Variants in CLASP1 observed in about 807,000 individuals in gnomAD.
CLASP1 encodes the protein CLIP-associating protein 1.
CLASP1 carries 38 observed loss-of-function variants against 192.3 expected under a neutral mutation model. The observed-to-expected ratio is 0.20, with a 90% CI of 0.15 to 0.26. The LOEUF is 0.26. Ranked by LOEUF, CLASP1 falls within the 10% of genes least tolerant of loss-of-function variation. CLASP1 has a pLI of 1.00. For missense variants in CLASP1, 1,433 were observed against 1,932.5 expected (o/e 0.74, Z 4.85); for synonymous variants, 691 against 712.8 (o/e 0.97, Z 0.49).
In CLASP1 at chr2:121,425,049, A is replaced by G. The variant is rs1485255490; in HGVS notation, c.2212+90T>C. ...CATCCTCAGTTCAAAAAATAGATCT[A>G]TATTTCCTACATTAGACATAGTCAT... is the stretch of plus-strand genomic sequence containing the variant. On this transcript the variant is annotated intron_variant, in intron 22 of 39. Transcript: ENST00000263710. The G allele has an allele frequency of 7.0e-6, 9 of 1,292,292 alleles. No homozygotes were observed. In the African/African-American group the frequency reaches 1.1e-4, roughly 15 times the overall value. The allele number at this position is 1,292,292 out of a possible 1,614,324, so 80.1% of individuals were successfully genotyped here.
At chr2:121,470,714 G>A (rs978182876) in intron 8 of CLASP1, 6 of 433,596 alleles carry the variant, frequency 1.4e-5, no homozygotes, top group African/African-American at 4.1e-5. Context: ...AACAATAGTA[G>A]GTCAAAGAGT....
chr2:121,488,455 G>A (rs1575400397), intron 8 of CLASP1, among the ~76,000 whole-genome samples: 2 of 152,206 alleles, frequency 1.3e-5, no homozygotes. Context: ...GTCACAAACT[G>A]CCCATGCAGA....
intron 2 of CLASP1, among the ~76,000 whole-genome samples, chr2:121,563,086 C>T (rs996033599): frequency 6.6e-6 from 1 of 152,154 alleles, no homozygotes; most frequent in Non-Finnish European, 1.5e-5. Context: ...TCCCTCCCAA[C>T]TGACCCCTTT....
chr2:121,433,640 C>T (rs1465226251), intron 19 of CLASP1, among the ~76,000 whole-genome samples: 1 of 152,038 alleles, frequency 6.6e-6, no homozygotes, highest in African/African-American at 2.4e-5. Flanking sequence ...CCTGTAATGC[C>T]AGCTACTTTG....
chr2:121,363,094 C>G, intron 37 of CLASP1, 78 bp downstream of exon 38: 1 of 1,570,594 alleles, frequency 6.4e-7, no homozygotes, highest in Non-Finnish European at 8.7e-7. Flanking sequence ...TGCACTGATT[C>G]TGATTCCTCT....
intron 19 of CLASP1, among the ~76,000 whole-genome samples, chr2:121,437,144 T>A (rs754318843): frequency 5.3e-4 from 81 of 151,766 alleles, no homozygotes; most frequent in African/African-American, 7.5e-4. Flanking sequence ...AAAAAAAAAA[T>A]TTTTGGTAGA....
intron 2 of CLASP1, among the ~76,000 whole-genome samples, chr2:121,544,898 TTTTC>T (rs1200406240): frequency 1.4e-5 from 1 of 72,130 alleles, no homozygotes; most frequent in African/African-American, 6.2e-5. Context: ...TTTTCTTTTC[TTTTC>T]TTTTCTTTTT....
At chr2:121,406,713 C>T (rs1350013038) in intron 25 of CLASP1, among the ~76,000 whole-genome samples, 3 of 152,144 alleles carry the variant, frequency 2.0e-5, no homozygotes, top group South Asian at 2.1e-4. Context: ...CCTCAGCCTC[C>T]GAAGTATCTG....
At chr2:121,579,701 C>T (rs1166690217) in intron 2 of CLASP1, among the ~76,000 whole-genome samples, 1 of 152,092 alleles carries the variant, frequency 6.6e-6, no homozygotes, top group Non-Finnish European at 1.5e-5. Flanking sequence ...TGAATTAATC[C>T]TTCTACTATA....
intron 1 of CLASP1, among the ~76,000 whole-genome samples, chr2:121,623,274 TC>T (rs2067703960): frequency 6.6e-6 from 1 of 152,160 alleles, no homozygotes; most frequent in Non-Finnish European, 1.5e-5. Context: ...CAAATGTTTT[TC>T]CTGCCACTAT....
intron 19 of CLASP1, chr2:121,444,895 A>C (rs1013184274): frequency 9.9e-6 from 13 of 1,307,392 alleles, no homozygotes; most frequent in Non-Finnish European, 1.3e-5. Flanking sequence ...ACAGAGGACC[A>C]GAGAAAGTGA....
At chr2:121,472,711 G>A (rs1319655297) in intron 8 of CLASP1, among the ~76,000 whole-genome samples, 1 of 152,186 alleles carries the variant, frequency 6.6e-6, no homozygotes, top group Admixed American at 6.5e-5. Flanking sequence ...CTTCCAGGAA[G>A]CAAGGCAGAA....
intron 2 of CLASP1, among the ~76,000 whole-genome samples, chr2:121,560,614 G>A (rs976488977): frequency 6.6e-6 from 1 of 152,144 alleles, no homozygotes; most frequent in African/African-American, 2.4e-5. Context: ...TCTGCTCCAC[G>A]GTTATTTCCA....
intron 37 of CLASP1, among the ~76,000 whole-genome samples, chr2:121,359,551 A>G (rs2065976699): frequency 6.6e-6 from 1 of 152,196 alleles, no homozygotes; most frequent in Non-Finnish European, 1.5e-5. Context: ...TCTCTTGGAA[A>G]CAGAAAATGG....
intron 1 of CLASP1, among the ~76,000 whole-genome samples, chr2:121,625,427 A>ATTTTTT (rs397868546): frequency 3.2e-4 from 31 of 95,770 alleles, no homozygotes; most frequent in Middle Eastern, 7.7e-3. Flanking sequence ...TCTTTCTTTC[A>ATTTTTT]TTTTTTTTTT....
intron 19 of CLASP1, among the ~76,000 whole-genome samples, chr2:121,433,241 G>T (rs1038479731): frequency 6.6e-6 from 1 of 151,066 alleles, no homozygotes; most frequent in East Asian, 1.9e-4. Flanking sequence ...AGAATCTCTC[G>T]AAACCGGGGC....
chr2:121,598,416 T>C (rs770479390), intron 2 of CLASP1, among the ~76,000 whole-genome samples: 6 of 152,258 alleles, frequency 3.9e-5, no homozygotes, highest in Non-Finnish European at 8.8e-5. Context: ...GCCAAGCCTG[T>C]TCATTTACCT....
intron 2 of CLASP1, among the ~76,000 whole-genome samples, chr2:121,542,476 A>C (rs1030624104): frequency 2.0e-5 from 3 of 152,206 alleles, no homozygotes; most frequent in Non-Finnish European, 2.9e-5. Context: ...TTCAAGAATA[A>C]AAACACAACA....
intron 1 of CLASP1, among the ~76,000 whole-genome samples, chr2:121,633,792 G>A (rs2070261633): frequency 6.6e-6 from 1 of 152,080 alleles, no homozygotes; most frequent in African/African-American, 2.4e-5. Context: ...GGATCATGAG[G>A]TCAGGAGATC....
Sources: gnomAD v4.1 joint callset for allele counts (sites outside exome capture counted in the v4.1 genomes callset) on GRCh38, gnomAD v4.1.1 for gene constraint, MANE v1.5 for transcripts, NCBI Gene and HGNC (gene_info 2026-07-23, HGNC 2026-07-21) for gene names.